C18orf54: variants seen among roughly 807,000 people sequenced by gnomAD.
C18orf54 encodes lung adenoma susceptibility protein 2.
In C18orf54, 49 loss-of-function variants were observed where a neutral mutation model predicts 49.3. The ratio of observed to expected loss-of-function variants is 0.99; its 90% CI spans 0.79 to 1.26. C18orf54 has a LOEUF of 1.26. Among genes scored for constraint, C18orf54 ranks in the 50% most tolerant of loss-of-function variants. C18orf54 has a pLI of 0.00. For missense variants in C18orf54, 687 were observed against 620.6 expected, an observed-to-expected ratio of 1.11 and a Z score of -1.14; for synonymous variants, 211 against 216.6, an observed-to-expected ratio of 0.97 and a Z score of 0.23.
At chr18:54,360,430 A>G in intron 2 of C18orf54, 97 bp from the exon 3 acceptor site, 1 of 724,278 alleles carries the variant, frequency 1.4e-6, no homozygotes. Flanking sequence ...GGATTTTATT[A>G]TTTAAAGAAA....
At chr18:54,363,693 C>T (rs1000276320) in intron 5 of C18orf54, among the ~76,000 whole-genome samples, 12 of 152,252 alleles carry the variant, frequency 7.9e-5, no homozygotes, top group Middle Eastern at 3.4e-3. Flanking sequence ...GGTACATTTT[C>T]TATTATCAGA....
At chr18:54,375,098 T>G (rs992900611) in intron 8 of C18orf54, among the ~76,000 whole-genome samples, 1 of 151,994 alleles carries the variant, frequency 6.6e-6, no homozygotes, top group African/African-American at 2.4e-5. Flanking sequence ...CTTTAGGGTA[T>G]AAATAATGCA....
chr18:54,364,305 A>G (rs1380686962), intron 5 of C18orf54, among the ~76,000 whole-genome samples: 1 of 152,126 alleles, frequency 6.6e-6, no homozygotes, highest in Non-Finnish European at 1.5e-5. Context: ...TGGGCAAGCA[A>G]GTAGTATCAG....
chr18:54,362,260 C>T lies in C18orf54; in HGVS notation c.901C>T (p.Arg301Trp), dbSNP rs1435641582. ...TAGTCATCAGGCACAAGGAACTTCTCGGCTTATCAATAAATTAGATTGTTT... is the reference window on the plus strand; with the variant it reads ...TAGTCATCAGGCACAAGGAACTTCTTGGCTTATCAATAAATTAGATTGTTT... ...RHSHQAQGTS[R>W]LINKLDCFEY... Residue 301 changes from arginine (R) to tryptophan (W), a missense_variant, in exon 4 of 9, where the codon CGG (arginine) becomes TGG (tryptophan). By Grantham distance (101) the Arg-to-Trp change is moderately radical. Coordinates refer to ENST00000620105, the MANE Select transcript of C18orf54 (RefSeq NM_001288980.2). 6.5e-6 allele frequency: 10 copies of T among 1,536,290 alleles called. No individual in the cohort carries two copies. The highest frequency in any genetic ancestry group is 1.4e-5 in the African/African-American group (1 of 73,042).
chr18:54,360,596 T>G lies in C18orf54; in HGVS notation c.24T>G (p.His8Gln). The change falls in exon 3 of 9, where the codon CAT (histidine) becomes CAG (glutamine). Residue 8 changes from histidine to glutamine, a missense_variant. Transcript: ENST00000620105. MAKSKTK[H>Q]RLCSQESSVS... Reference sequence around the variant, plus strand: ...CCATGGCGAAATCAAAGACAAAACATAGACTTTGTTCTCAGGAATCTTCAG... The same window carrying G: ...CCATGGCGAAATCAAAGACAAAACAGAGACTTTGTTCTCAGGAATCTTCAG... 1 of 1,614,000 alleles carries G rather than the reference T, an allele frequency of 6.2e-7. No individual in the cohort carries two copies. The highest frequency in any genetic ancestry group is 1.1e-5 in the South Asian group (1 of 91,082).
intron 8 of C18orf54, among the ~76,000 whole-genome samples, chr18:54,376,123 A>G (rs1440963990): frequency 6.6e-6 from 1 of 152,176 alleles, no homozygotes; most frequent in African/African-American, 2.4e-5. Flanking sequence ...GGCCTTTCCT[A>G]AGGTAAAATC....
intron 7 of C18orf54, among the ~76,000 whole-genome samples, chr18:54,373,317 A>G (rs2089520445): frequency 1.3e-5 from 2 of 151,768 alleles, no homozygotes; most frequent in Non-Finnish European, 3.0e-5. Context: ...GACAATATAT[A>G]TATATTTTGG....
chr18:54,377,471 A>T (rs1305687864), intron 8 of C18orf54, among the ~76,000 whole-genome samples: 1 of 152,170 alleles, frequency 6.6e-6, no homozygotes, highest in Non-Finnish European at 1.5e-5. Context: ...CAGGAACTGA[A>T]ATATAGGGGA....
At chr18:54,372,672 CCTA>C in intron 7 of C18orf54, 75 bp downstream of exon 7, 1 of 1,352,824 alleles carries the variant, frequency 7.4e-7, no homozygotes, top group Non-Finnish European at 1.0e-6. Flanking sequence ...TTTTAATAGA[CCTA>C]CTTATAGTTT....
At chr18:54,369,955 A>T (rs1250852367) in intron 6 of C18orf54, among the ~76,000 whole-genome samples, 1 of 152,028 alleles carries the variant, frequency 6.6e-6, no homozygotes, top group Non-Finnish European at 1.5e-5. Flanking sequence ...ACATCTGTAG[A>T]TTCAACCAAC....
At chr18:54,370,411 G>A (rs752269847) in intron 6 of C18orf54, among the ~76,000 whole-genome samples, 2 of 152,072 alleles carry the variant, frequency 1.3e-5, no homozygotes, top group African/African-American at 2.4e-5. Context: ...TGCAAATACT[G>A]TGCCATTTTA....
At chr18:54,361,520 T>A (rs758136852) in intron 3 of C18orf54, 123 bp from the exon 4 acceptor site, 105 of 801,354 alleles carry the variant, frequency 1.3e-4, no homozygotes, top group Non-Finnish European at 2.0e-4. Context: ...ATGCTTTTAA[T>A]CAAAGCTTTA....
chr18:54,365,976 AT>A (rs957844194), intron 6 of C18orf54, among the ~76,000 whole-genome samples, 155 bp downstream of exon 6: 2 of 151,536 alleles, frequency 1.3e-5, no homozygotes, highest in Non-Finnish European at 3.0e-5. Context: ...TGATTATATT[AT>A]TTTTTATAAT....
intron 5 of C18orf54, among the ~76,000 whole-genome samples, chr18:54,365,038 C>A (rs993900299): frequency 6.6e-6 from 1 of 151,808 alleles, no homozygotes; most frequent in Non-Finnish European, 1.5e-5. Flanking sequence ...TCTACTACCC[C>A]GTGAATATCA....
rs1032467608 is a variant in C18orf54 at position 54,381,175 on chromosome 18, A to T, written c.*2929A>T. ...TTAGATATTTTTCCTGTGACATTTG[A>T]AGTTATTATTCTCCCATTTCCTTTT... is the stretch of plus-strand genomic sequence containing the variant. On this transcript the variant is annotated 3_prime_UTR_variant, in exon 9 of 9. Transcript: ENST00000620105. 3 of 152,094 alleles carry T rather than the reference A, an allele frequency of 2.0e-5. No homozygotes were observed. The highest frequency in any genetic ancestry group is 2.9e-5 in the Non-Finnish European group (2 of 68,000). 9.4% of individuals were successfully genotyped at this position (152,094 alleles called of 1,614,324 possible).
intron 6 of C18orf54, among the ~76,000 whole-genome samples, chr18:54,366,283 C>G (rs1490165718): frequency 6.6e-6 from 1 of 151,816 alleles, no homozygotes; most frequent in Admixed American, 6.6e-5. Flanking sequence ...TTATTCCTTA[C>G]CTCCCTCCTA....
chr18:54,369,907 G>A (rs775763650), intron 6 of C18orf54, among the ~76,000 whole-genome samples: 3 of 102,396 alleles, frequency 2.9e-5, no homozygotes, highest in Non-Finnish European at 5.8e-5. Flanking sequence ...TGGTTCATTT[G>A]TCTTTGTATA....
rs539784138 is a variant in C18orf54 at position 54,381,056 on chromosome 18, A to G, written c.*2810A>G. Reference sequence around the variant, plus strand: ...ATTAGATGTATAAATTGGATATTTCATGCCTAATTAAATGTTGCGTTGGAT... The same window carrying G: ...ATTAGATGTATAAATTGGATATTTCGTGCCTAATTAAATGTTGCGTTGGAT... On this transcript the variant is annotated 3_prime_UTR_variant, in exon 9 of 9. Coordinates refer to ENST00000620105, the MANE Select transcript of C18orf54 (RefSeq NM_001288980.2). 1.4e-4 allele frequency: 22 copies of G among 152,294 alleles called. No individual in the cohort carries two copies. Among genetic ancestry groups the G allele is most frequent in the African/African-American group, 5.3e-4 (22 of 41,566 alleles). The allele number at this position is 152,294 out of a possible 1,614,324, so 9.4% of individuals were successfully genotyped here. A position where few individuals can be genotyped will look rare whatever the true frequency, so the allele number is the denominator to read the frequency against.
At chr18:54,358,287 C>T (rs1365869255) in intron 1 of C18orf54, among the ~76,000 whole-genome samples, 1 of 151,988 alleles carries the variant, frequency 6.6e-6, no homozygotes, top group Non-Finnish European at 1.5e-5. Flanking sequence ...AGGGGGAGTG[C>T]CCCCTGGGCG....
Sources: allele counts gnomAD v4.1 joint callset (sites outside exome capture counted in the v4.1 genomes callset), GRCh38; gene constraint gnomAD v4.1.1; transcripts MANE v1.5; gene names NCBI Gene and HGNC (gene_info 2026-07-23, HGNC 2026-07-21).